FAAP20: variants seen among roughly 807,000 people sequenced by gnomAD.
FAAP20 encodes Fanconi anemia core complex-associated protein 20.
Under a neutral mutation model 16.2 loss-of-function variants are expected in FAAP20, and 12 were observed. That is an observed-to-expected ratio of 0.74 (90% CI 0.48 to 1.20). FAAP20 has a LOEUF of 1.20. Ranked by LOEUF, FAAP20 falls within the 50% of genes most tolerant of loss-of-function variation. The pLI, the probability that FAAP20 is intolerant of heterozygous loss-of-function variation, is 0.00. For missense variants in FAAP20, 288 were observed against 245.8 expected (o/e 1.17, Z -1.15); for synonymous variants, 141 against 110.7 (o/e 1.27, Z -1.72).
At chr1:2,203,808 C>A (rs1441390616), upstream of FAAP20, 2 of 234,690 alleles carry the variant, frequency 8.5e-6, no homozygotes, top group Non-Finnish European at 1.4e-5. Flanking sequence ...GACAGAGGTG[C>A]TGTCGCGTGG....
chr1:2,188,732 G>T (rs892996019), downstream of FAAP20, among the ~76,000 whole-genome samples: 1 of 152,186 alleles, frequency 6.6e-6, no homozygotes, highest in African/African-American at 2.4e-5. Flanking sequence ...ATGGTGGAGC[G>T]CGGTGGCTCA....
downstream of FAAP20, among the ~76,000 whole-genome samples, chr1:2,210,434 C>T (rs1689405183): frequency 6.6e-6 from 1 of 152,198 alleles, no homozygotes; most frequent in African/African-American, 2.4e-5. Context: ...TGCCGCCTCC[C>T]CCACCCCAGA....
rs1392766021 is a variant in FAAP20 at position 2,194,730 on chromosome 1, G to C, written c.20C>G (p.Pro7Arg). The change falls in exon 1 of 4, where the codon CCG (proline) becomes CGG (arginine). Residue 7 changes from proline (P) to arginine (R), a missense_variant. Physicochemically the swap from Pro to Arg is moderately radical, Grantham distance 103 (BLOSUM62 -2). Coordinates refer to ENST00000378546, the MANE Select transcript of FAAP20 (RefSeq NM_182533.4). ...CCTCCGGCGGCTCAACCCCAGCCGC[G>C]GCCTCCGCGCCGCCTCCATCCAAGC... Reference protein sequence around the residue: MEAARRPRLGLSRRRPR... With the variant: MEAARRRRLGLSRRRPR... The C allele has an allele frequency of 4.2e-6, 5 of 1,191,970 alleles. No homozygotes were observed. Among genetic ancestry groups the C allele is most frequent in the Admixed American group, 4.5e-5 (1 of 22,368 alleles). 73.8% of individuals were successfully genotyped at this position (1,191,970 alleles called of 1,614,324 possible). A position where few individuals can be genotyped will look rare whatever the true frequency, so the allele number is the denominator to read the frequency against.
chr1:2,189,774 G>C lies in FAAP20; in HGVS notation c.478C>G (p.Gln160Glu). 1 of 1,612,146 alleles carries C rather than the reference G, an allele frequency of 6.2e-7. No homozygotes were observed. The highest frequency in any genetic ancestry group is 1.1e-5 in the South Asian group (1 of 91,068). The change falls in exon 4 of 4, where the codon CAG becomes GAG. Residue 160 changes from glutamine (Q) to glutamate (E), a missense_variant. Gln to Glu is a conservative substitution (Grantham distance 29). Coordinates refer to ENST00000378546, the MANE Select transcript of FAAP20 (RefSeq NM_182533.4). ...GCCAGGTGGCTGTCAACATCCAGCT[G>C]GGTCAGCCTGCAAGGGAGGGGCCAC... ...CQKEFAPRLT[Q>E]LDVDSHLAQC...
downstream of FAAP20, among the ~76,000 whole-genome samples, chr1:2,189,020 A>AC (rs1553182613): frequency 1.9e-4 from 27 of 145,440 alleles, no homozygotes; most frequent in Admixed American, 1.0e-3. Flanking sequence ...AGAAAAAAAA[A>AC]AAAAAAAACA....
At chr1:2,193,056 A>G (rs1183468918) in intron 3 of FAAP20, 18 of 1,265,006 alleles carry the variant, frequency 1.4e-5, no homozygotes, top group Non-Finnish European at 1.8e-5. Context: ...TAACTCAACC[A>G]AAAGTTACGA....
downstream of FAAP20, chr1:2,185,035 A>C: frequency 3.8e-6 from 6 of 1,582,860 alleles, no homozygotes; most frequent in Non-Finnish European, 5.2e-6. Context: ...TGTCGTGGAC[A>C]CGCGTGATTG....
At chr1:2,204,101 G>A (rs887346097), upstream of FAAP20, among the ~76,000 whole-genome samples, 13 of 152,208 alleles carry the variant, frequency 8.5e-5, no homozygotes, top group African/African-American at 1.7e-4. Context: ...GTCCCCATGC[G>A]CTTCTCAGAT....
downstream of FAAP20, among the ~76,000 whole-genome samples, chr1:2,188,959 C>T (rs1400002595): frequency 2.7e-5 from 4 of 146,822 alleles, no homozygotes; most frequent in African/African-American, 1.0e-4. Flanking sequence ...GAGCCGAAAT[C>T]GCGCCACTGC....
chr1:2,203,278 C>A (rs1307090046), upstream of FAAP20, among the ~76,000 whole-genome samples: 1 of 152,206 alleles, frequency 6.6e-6, no homozygotes, highest in African/African-American at 2.4e-5. Flanking sequence ...AGAGTGGCCG[C>A]TGAGACAAGC....
upstream of FAAP20, chr1:2,199,731 C>T (rs550717831): frequency 6.6e-6 from 5 of 759,948 alleles, no homozygotes; most frequent in South Asian, 2.4e-4. The surrounding 1 kb of genome is among the most constrained non-coding windows in gnomAD (Gnocchi z 4.5). Flanking sequence ...CAGGATGAGG[C>T]GATACTGGGT....
chr1:2,187,427 C>T (rs138196577), downstream of FAAP20, among the ~76,000 whole-genome samples: 597 of 152,162 alleles, frequency 3.9e-3, 19 homozygotes, highest in East Asian at 0.083. Flanking sequence ...GCCTCAGCCT[C>T]CCCAGTAGCT....
chr1:2,190,411 C>G (rs145881709), intron 3 of FAAP20: 37 of 447,802 alleles, frequency 8.3e-5, no homozygotes, highest in Admixed American at 1.4e-4. Flanking sequence ...AAAACCCATC[C>G]GAGTCCTGCA....
chr1:2,194,547 TG>T, intron 1 of FAAP20, 140 bp downstream of exon 1: 2 of 98,470 alleles, frequency 2.0e-5, no homozygotes, highest in Non-Finnish European at 2.5e-5. Context: ...CGGCGCGGGG[TG>T]GGGCGACGGG....
Position 2,193,684 on chromosome 1 carries a change from G to T in FAAP20, c.425C>A (p.Ala142Glu). Residue 142 changes from alanine to glutamate, a missense_variant, in exon 3 of 4, where the codon GCG (alanine) becomes GAG (glutamate). Transcript: ENST00000378546. ...VEQQPSVEGA[A>E]ALRSCPMCQK... ...GCACATGGGGCAGCTGCGCAGGGCC[G>T]CGGCACCCTCCACAGACGGCTGCTG... 2 of 1,599,510 alleles carry T rather than the reference G, an allele frequency of 1.3e-6. No homozygotes were observed. Among genetic ancestry groups the T allele is most frequent in the Non-Finnish European group, 1.7e-6 (2 of 1,175,768 alleles).
upstream of FAAP20, chr1:2,198,780 C>T (rs187187542): frequency 2.9e-4 from 370 of 1,289,110 alleles, no homozygotes; most frequent in Admixed American, 6.9e-4. Context: ...CCAAAAGGCC[C>T]GGGCAGCCTT....
chr1:2,186,053 GGCTGCCA>G (rs1687546957), downstream of FAAP20: 2 of 453,124 alleles, frequency 4.4e-6, no homozygotes, highest in South Asian at 3.1e-5. Flanking sequence ...CTAGAGGCAG[GGCTGCCA>G]GCTGCCAGGT....
chr1:2,186,134 C>CT (rs1371174414), downstream of FAAP20: 5 of 450,302 alleles, frequency 1.1e-5, no homozygotes, highest in African/African-American at 2.0e-5. Context: ...CCTCATGCCT[C>CT]TGAGTGAGGC....
At chr1:2,212,623 C>T (rs1638237295), upstream of FAAP20, 1 of 185,862 alleles carries the variant, frequency 5.4e-6, no homozygotes, top group African/African-American at 2.4e-5. Context: ...GAGGCGTCGC[C>T]ATGGAGACCG....
Sources: gnomAD v4.1 joint callset for allele counts (sites outside exome capture counted in the v4.1 genomes callset) on GRCh38, gnomAD v4.1.1 for gene constraint, Gnocchi (gnomAD v3.1) non-coding constraint, MANE v1.5 for transcripts, NCBI Gene and HGNC (gene_info 2026-07-23, HGNC 2026-07-21) for gene names.